PATJ: variants seen among roughly 807,000 people sequenced by gnomAD.
PATJ encodes PATJ crumbs cell polarity complex component.
A neutral mutation model predicts 224.9 loss-of-function variants in PATJ; 190 were observed. That is an observed-to-expected ratio of 0.84 (90% CI 0.75 to 0.95). The LOEUF (loss-of-function observed/expected upper bound fraction) is 0.95, where lower values mean the gene tolerates loss of function less well. Ranked by LOEUF, PATJ falls within the 40% of genes least tolerant of loss-of-function variation. PATJ has a pLI of 0.00. For synonymous variants in PATJ, 769 were observed against 820.3 expected, an observed-to-expected ratio of 0.94 and a Z score of 1.07; for missense variants, 2,121 against 2,270.3, an observed-to-expected ratio of 0.93 and a Z score of 1.34.
rs562308720 is a variant in PATJ at position 62,051,429 on chromosome 1, C to T, written c.4125+371C>T. ...GCAACATCTGCCTCCCAGGTTCAAGCGATTCTTTTGCCTCGGCCTCCAGAG... is the reference window on the plus strand; with the variant it reads ...GCAACATCTGCCTCCCAGGTTCAAGTGATTCTTTTGCCTCGGCCTCCAGAG... On this transcript the variant is annotated intron_variant, in intron 31 of 43. Coordinates refer to ENST00000642238, the MANE Select transcript of PATJ (RefSeq NM_001350145.3). Among the ~76,000 whole-genome samples the T allele has an allele frequency of 1.5e-4, 23 of 152,270 alleles. No homozygotes were observed. In the East Asian group the frequency reaches 1.5e-3, roughly 10 times the overall value.
chr1:62,002,721 AAAAAAAAAAAAAAG>A (rs1645855992), intron 28 of PATJ, among the ~76,000 whole-genome samples: 1 of 149,162 alleles, frequency 6.7e-6, no homozygotes, highest in Non-Finnish European at 1.5e-5. Context: ...AAAAAAAAAA[AAAAAAAAAAAAAAG>A]AGAGAGAGAA....
intron 25 of PATJ, among the ~76,000 whole-genome samples, chr1:61,911,167 A>G (rs1282011223): frequency 6.6e-6 from 1 of 152,114 alleles, no homozygotes; most frequent in Non-Finnish European, 1.5e-5. Flanking sequence ...CAGCTGCCTT[A>G]GGAGCATCAC....
intron 27 of PATJ, among the ~76,000 whole-genome samples, chr1:61,929,851 C>G (rs1339262575): frequency 6.6e-6 from 1 of 152,028 alleles, no homozygotes. Flanking sequence ...GAAACCCCCT[C>G]TCTTAAAAAA....
chr1:62,138,186 T>C (rs956798348), intron 41 of PATJ, among the ~76,000 whole-genome samples: 1 of 152,152 alleles, frequency 6.6e-6, no homozygotes, highest in African/African-American at 2.4e-5. Context: ...ACTTAGGAAG[T>C]TCTAGTAACT....
intron 13 of PATJ, among the ~76,000 whole-genome samples, 186 bp from the exon 14 acceptor site, chr1:61,808,288 C>CA (rs930797486): frequency 6.6e-6 from 1 of 151,658 alleles, no homozygotes; most frequent in African/African-American, 2.4e-5. Context: ...AGAACAACAA[C>CA]AAAAAAATCA....
At chr1:61,822,188 C>A (rs1487823565) in intron 14 of PATJ, among the ~76,000 whole-genome samples, 1 of 152,062 alleles carries the variant, frequency 6.6e-6, no homozygotes, top group African/African-American at 2.4e-5. Flanking sequence ...ACTCTGCATT[C>A]AGGTAAGGAG....
intron 25 of PATJ, 125 bp downstream of exon 25, chr1:61,908,607 G>A: frequency 3.2e-6 from 2 of 626,710 alleles, no homozygotes; most frequent in South Asian, 2.1e-5. Flanking sequence ...TAAAGTATGA[G>A]CTTCATAAAA....
At chr1:61,747,152 G>A (rs577623589) in intron 1 of PATJ, among the ~76,000 whole-genome samples, 1 of 152,222 alleles carries the variant, frequency 6.6e-6, no homozygotes, top group East Asian at 1.9e-4. Context: ...TTGAGAAACG[G>A]GACCAATCTA....
At chr1:61,765,264 A>G (rs184930642) in intron 3 of PATJ, among the ~76,000 whole-genome samples, 1 of 151,130 alleles carries the variant, frequency 6.6e-6, no homozygotes, top group African/African-American at 2.4e-5. Context: ...TTGTTGAGAC[A>G]AGAGTCTCAC....
At chr1:62,103,988 A>C (rs905636748) in intron 33 of PATJ, among the ~76,000 whole-genome samples, 5 of 152,150 alleles carry the variant, frequency 3.3e-5, no homozygotes, top group Admixed American at 6.5e-5. Flanking sequence ...GCCTGTCTTC[A>C]GAGTGAGCCA....
At chr1:62,147,218 T>TA (rs1309876331) in intron 41 of PATJ, among the ~76,000 whole-genome samples, 3 of 152,146 alleles carry the variant, frequency 2.0e-5, no homozygotes, top group Middle Eastern at 6.8e-3. Flanking sequence ...GATGGGATAA[T>TA]ATGTTTAATG....
intron 22 of PATJ, among the ~76,000 whole-genome samples, chr1:61,886,721 G>A (rs906196083): frequency 1.3e-5 from 2 of 151,480 alleles, no homozygotes; most frequent in Admixed American, 1.3e-4. Context: ...TCTGGTGGCT[G>A]AGGCAGGAAA....
intron 13 of PATJ, among the ~76,000 whole-genome samples, chr1:61,806,840 G>A (rs1340756834): frequency 6.6e-6 from 1 of 151,910 alleles, no homozygotes; most frequent in Admixed American, 6.6e-5. Context: ...TTTTATGATG[G>A]GCTCTTTTTT....
At chr1:61,875,785 A>G (rs1187075802) in intron 21 of PATJ, among the ~76,000 whole-genome samples, 1 of 152,198 alleles carries the variant, frequency 6.6e-6, no homozygotes, top group African/African-American at 2.4e-5. Flanking sequence ...AAACATTTTT[A>G]TAGCCATATA....
Position 62,128,838 on chromosome 1 carries a change from C to T in PATJ, c.5167-3C>T. 1 of 1,594,902 alleles carries T rather than the reference C, an allele frequency of 6.3e-7. No homozygotes were observed. The highest frequency in any genetic ancestry group is 1.1e-5 in the South Asian group (1 of 90,338). ...TGATTTTCTGTCATTTTTGTACTTC[C>T]AGGTTGGAGATCGGATTGTCAGCAT... On this transcript the variant is annotated splice_polypyrimidine_tract_variant and splice_region_variant and intron_variant, in intron 40 of 43. Transcript: ENST00000642238.
chr1:62,056,009 A>G, intron 31 of PATJ, among the ~76,000 whole-genome samples: 1 of 152,086 alleles, frequency 6.6e-6, no homozygotes, highest in East Asian at 1.9e-4. Flanking sequence ...GGCAGGAGAA[A>G]ATGGTGTCCC....
chr1:61,938,813 T>TC (rs1677294119), intron 27 of PATJ, among the ~76,000 whole-genome samples: 1 of 152,156 alleles, frequency 6.6e-6, no homozygotes, highest in South Asian at 2.1e-4. Context: ...AATTTTTTTT[T>TC]CTAAATAGTA....
chr1:62,050,120 C>CAAAAAAA (rs35986021), intron 30 of PATJ, among the ~76,000 whole-genome samples: 1 of 95,210 alleles, frequency 1.1e-5, no homozygotes, highest in African/African-American at 3.5e-5. Context: ...TCTGCCCCAC[C>CAAAAAAA]AAAAAAAAAA....
chr1:61,766,348 G>C lies in PATJ; in HGVS notation c.259G>C (p.Asp87His), dbSNP rs1646272542. ...FSRKGLLVFT[D>H]GSITNGNVHR... Reference sequence around the variant, plus strand: ...TAGGAAAGGTTTGTTAGTGTTCACAGATGGTTCCATCACTAATGGAAATGT... The same window carrying C: ...TAGGAAAGGTTTGTTAGTGTTCACACATGGTTCCATCACTAATGGAAATGT... Residue 87 changes from aspartate to histidine, a missense_variant, in exon 4 of 44, where the codon GAT becomes CAT. Transcript: ENST00000642238. 2 of 1,611,768 alleles carry C rather than the reference G, an allele frequency of 1.2e-6. No homozygotes were observed. The highest frequency in any genetic ancestry group is 1.7e-6 in the Non-Finnish European group (2 of 1,178,496).
Sources: allele counts gnomAD v4.1 joint callset (sites outside exome capture counted in the v4.1 genomes callset), GRCh38; gene constraint gnomAD v4.1.1; transcripts MANE v1.5; gene names NCBI Gene and HGNC (gene_info 2026-07-23, HGNC 2026-07-21).